The following SNTA1 variants were observed in gnomAD, a reference collection of about 807,000 sequenced individuals.
The protein encoded by SNTA1 is syntrophin alpha 1.
A neutral mutation model predicts 47.1 loss-of-function variants in SNTA1; 31 were observed. The observed-to-expected ratio is 0.66, with a 90% CI of 0.49 to 0.89. The LOEUF is 0.89. Among genes scored for constraint, SNTA1 ranks in the 40% least tolerant of loss-of-function variants. The pLI, the probability that SNTA1 is intolerant of heterozygous loss-of-function variation, is 0.00. For missense variants in SNTA1, 575 were observed against 693.0 expected (o/e 0.83, Z 1.91); for synonymous variants, 300 against 313.6 (o/e 0.96, Z 0.46).
intron 2 of SNTA1, among the ~76,000 whole-genome samples, chr20:33,437,810 G>A (rs996304581): frequency 6.6e-6 from 1 of 152,248 alleles, no homozygotes; most frequent in East Asian, 1.9e-4. Flanking sequence ...CCTCTTGAGA[G>A]ACATGGCACA....
intron 2 of SNTA1, among the ~76,000 whole-genome samples, chr20:33,426,368 T>C (rs1568756145): frequency 6.6e-6 from 1 of 150,574 alleles, no homozygotes; most frequent in Non-Finnish European, 1.5e-5. Flanking sequence ...GGAGAATCGC[T>C]TGAACTCAGG....
At chr20:33,434,081 G>A (rs1171652034) in intron 2 of SNTA1, among the ~76,000 whole-genome samples, 6 of 152,110 alleles carry the variant, frequency 3.9e-5, no homozygotes, top group East Asian at 1.9e-4. Context: ...CCTTGGAGGC[G>A]TCCTCAGTAA....
chr20:33,423,697 C>T (rs565635492), intron 2 of SNTA1, among the ~76,000 whole-genome samples: 1 of 152,274 alleles, frequency 6.6e-6, no homozygotes, highest in South Asian at 2.1e-4. Context: ...CTCATCAGGC[C>T]CAGTATAAGT....
At chr20:33,443,248 C>T (rs911596852) in intron 1 of SNTA1, 63 bp downstream of exon 1, 9 of 1,316,728 alleles carry the variant, frequency 6.8e-6, no homozygotes, top group Non-Finnish European at 9.1e-6. Flanking sequence ...GCGCTGCCAG[C>T]CCCCTGCGCC....
chr20:33,428,377 C>CCAA (rs1354104315), intron 2 of SNTA1, among the ~76,000 whole-genome samples: 4 of 151,686 alleles, frequency 2.6e-5, no homozygotes, highest in Non-Finnish European at 5.9e-5. Flanking sequence ...CCACTGCACT[C>CCAA]CAACCTGGGC....
intron 1 of SNTA1, among the ~76,000 whole-genome samples, chr20:33,441,133 G>C (rs573997343): frequency 6.6e-6 from 1 of 152,190 alleles, no homozygotes; most frequent in Non-Finnish European, 1.5e-5. Context: ...GCCAAGCACT[G>C]TGCTAAATGC....
At chr20:33,442,453 G>A (rs149769031) in intron 1 of SNTA1, among the ~76,000 whole-genome samples, 165 of 152,288 alleles carry the variant, frequency 1.1e-3, no homozygotes, top group African/African-American at 3.7e-3. Flanking sequence ...ACTATGTTTA[G>A]TTGCTTTGGG....
intron 3 of SNTA1, among the ~76,000 whole-genome samples, chr20:33,414,878 T>C (rs1275783279): frequency 1.3e-5 from 2 of 152,202 alleles, no homozygotes; most frequent in Non-Finnish European, 2.9e-5. Context: ...CTGGACTTCT[T>C]TTTAAACATG....
chr20:33,413,068 T>C (rs1165154430), intron 3 of SNTA1, among the ~76,000 whole-genome samples: 1 of 152,138 alleles, frequency 6.6e-6, no homozygotes, highest in Non-Finnish European at 1.5e-5. Context: ...TGCACTGCAA[T>C]GGCCCAACCT....
intron 2 of SNTA1, among the ~76,000 whole-genome samples, chr20:33,427,305 A>G (rs1006287405): frequency 5.3e-5 from 8 of 152,046 alleles, no homozygotes; most frequent in African/African-American, 1.9e-4. Context: ...GGTCTCTCTG[A>G]GCCTCAGTTT....
intron 2 of SNTA1, among the ~76,000 whole-genome samples, chr20:33,430,949 A>C (rs1990293057): frequency 6.9e-6 from 1 of 144,810 alleles, no homozygotes. Flanking sequence ...ACTCCGTCTC[A>C]AAAAAAAAAA....
At chr20:33,414,456 T>C (rs927930613) in intron 3 of SNTA1, among the ~76,000 whole-genome samples, 4 of 151,324 alleles carry the variant, frequency 2.6e-5, no homozygotes, top group African/African-American at 4.9e-5. Flanking sequence ...TAGCCAGACG[T>C]CATGGCGGGC....
rs928947638 is a variant in SNTA1, at chr20:33,443,054, G to C, written c.310+257C>G. On this transcript the variant is annotated intron_variant, in intron 1 of 7. Transcript: ENST00000217381. The stretch of plus-strand genomic sequence containing the variant: ...CCTCAGACCCCCCCGCCTCCACACA[G>C]AACTCCCACCCACGTGTCCTTGGTG... Among the ~76,000 whole-genome samples, 4 of 147,598 alleles carry C rather than the reference G, an allele frequency of 2.7e-5. No individual in the cohort carries two copies. In the Admixed American group the frequency reaches 2.7e-4, roughly 10 times the overall value.
chr20:33,408,596 G>A lies in SNTA1; in HGVS notation c.1429C>T (p.Leu477=). The part of the protein sequence containing the change: ...DFGGAEGEIQ[L]DLHSCPKTIV... ...GTTTTGGGACACGAGTGCAGGTCCAGCTGCTGGAGGGTGGATGGAGAGAAG... is the reference window on the plus strand; with the variant it reads ...GTTTTGGGACACGAGTGCAGGTCCAACTGCTGGAGGGTGGATGGAGAGAAG... The change falls in exon 8 of 8, where the codon CTG becomes TTG. Residue 477 remains leucine, a synonymous_variant. Coordinates refer to ENST00000217381, the MANE Select transcript of SNTA1 (RefSeq NM_003098.3). 1 of 1,613,786 alleles carries A rather than the reference G, an allele frequency of 6.2e-7. No homozygotes were observed. Among genetic ancestry groups the A allele is most frequent in the Non-Finnish European group, 8.5e-7 (1 of 1,179,656 alleles).
rs1472161830 is a variant in SNTA1 at position 33,408,988 on chromosome 20, C to G, written c.1238-100G>C. On this transcript the variant is annotated intron_variant, in intron 6 of 7. Coordinates refer to ENST00000217381, the MANE Select transcript of SNTA1 (RefSeq NM_003098.3). ...AGCTTACAAAGTGGGGCCTGAATGC[C>G]TCCAGGGATGGGAGGCTCACTGTTT... is the stretch of plus-strand genomic sequence containing the variant. 3.0e-5 allele frequency: 31 copies of G among 1,049,510 alleles called. No individual in the cohort carries two copies. The East Asian group carries it at 6.9e-4, about 23-fold the overall frequency. 65.0% of individuals were successfully genotyped at this position (1,049,510 alleles called of 1,614,324 possible). A position where few individuals can be genotyped will look rare whatever the true frequency, so the allele number is the denominator to read the frequency against.
Position 33,408,775 on chromosome 20 carries a change from C to T in SNTA1, c.1351G>A (p.Glu451Lys), listed in dbSNP as rs148604302. 68 of 1,614,064 alleles carry T rather than the reference C, an allele frequency of 4.2e-5. No homozygotes were observed. The highest frequency in any genetic ancestry group is 5.3e-5 in the Non-Finnish European group (63 of 1,180,038). The part of the protein sequence containing the change: ...ARAVLLRQPF[E>K]KLQMSSDDGA... ...TCATCTGAAGACATCTGCAGCTTCT[C>T]GAAGGGCTGTCGCAGGAGCACAGCT... The change falls in exon 7 of 8, where the codon GAG becomes AAG. Residue 451 changes from glutamate to lysine, a missense_variant. Physicochemically the swap from Glu to Lys is moderately conservative, Grantham distance 56 (BLOSUM62 1). Transcript: ENST00000217381.
intron 2 of SNTA1, among the ~76,000 whole-genome samples, chr20:33,432,434 A>G (rs1367829578): frequency 6.6e-6 from 1 of 152,212 alleles, no homozygotes; most frequent in African/African-American, 2.4e-5. Context: ...TGAAAGGTAA[A>G]GTAGAAAGGG....
At chr20:33,434,635 A>G (rs1036122679) in intron 2 of SNTA1, among the ~76,000 whole-genome samples, 3 of 152,070 alleles carry the variant, frequency 2.0e-5, no homozygotes, top group Non-Finnish European at 4.4e-5. Context: ...CTGAGCCCAG[A>G]CAAAGCCTCC....
At chr20:33,433,224 C>A (rs999384035) in intron 2 of SNTA1, among the ~76,000 whole-genome samples, 32 of 151,428 alleles carry the variant, frequency 2.1e-4, no homozygotes, top group African/African-American at 7.8e-4. Context: ...GCCACCTTGC[C>A]TGGCCTTAGT....
Sources: allele counts gnomAD v4.1 joint callset (sites outside exome capture counted in the v4.1 genomes callset), GRCh38; gene constraint gnomAD v4.1.1; transcripts MANE v1.5; gene names NCBI Gene and HGNC (gene_info 2026-07-23, HGNC 2026-07-21).